PTPRN2: variants seen among roughly 807,000 people sequenced by gnomAD.
PTPRN2 encodes protein tyrosine phosphatase receptor type N2.
Under a neutral mutation model 118.8 loss-of-function variants are expected in PTPRN2, and 74 were observed. The observed-to-expected ratio is 0.62, with a 90% CI of 0.52 to 0.76. PTPRN2 has a LOEUF of 0.76. Ranked by LOEUF, PTPRN2 falls within the 30% of genes least tolerant of loss-of-function variation. The pLI is 0.00. For synonymous variants in PTPRN2, 641 were observed against 608.0 expected (o/e 1.05, Z -0.80); for missense variants, 1,481 against 1,394.4 (o/e 1.06, Z -0.99).
At position 157,987,700 on chromosome 7, in the gene PTPRN2, A is replaced by C. The variant is rs1027193800; in HGVS notation, c.1724-88963T>G. 1.3e-5 allele frequency among the ~76,000 whole-genome samples: 2 copies of C among 152,166 alleles called. No individual in the cohort carries two copies. Among genetic ancestry groups the C allele is most frequent in the African/African-American group, 4.8e-5 (2 of 41,422 alleles). On this transcript the variant is annotated intron_variant, in intron 11 of 22. Coordinates refer to ENST00000389418, the MANE Select transcript of PTPRN2 (RefSeq NM_002847.5). This position sits in a 1 kb window ranked among gnomAD's most constrained non-coding sequence, Gnocchi z 4.3. ...CTAAATGCTATCAGTCTTTCTCTAG[A>C]GATGGGGCAGTTATTATGCAGTGTG... is the stretch of plus-strand genomic sequence containing the variant.
At chr7:157,766,653 C>A (rs928352524) in intron 12 of PTPRN2, among the ~76,000 whole-genome samples, 22 of 152,190 alleles carry the variant, frequency 1.4e-4, no homozygotes, top group Non-Finnish European at 7.3e-5. Flanking sequence ...GGGTCCTATT[C>A]TTTTCCCCAG....
intron 4 of PTPRN2, among the ~76,000 whole-genome samples, chr7:158,194,118 C>T (rs1006421091): frequency 6.0e-5 from 9 of 149,868 alleles, no homozygotes; most frequent in South Asian, 2.1e-4. Context: ...TGCACGCGCG[C>T]GCATGTGCGT....
chr7:158,047,611 C>T lies in PTPRN2; in HGVS notation c.1723+33687G>A, dbSNP rs1296435482. On this transcript the variant is annotated intron_variant, in intron 11 of 22. Transcript: ENST00000389418. ...TGAGAGTGCAAGGGCTACCTGCAGT[C>T]ACTGAGCATGTGAGGGCTGCCTGCA... Among the ~76,000 whole-genome samples, 6 of 152,176 alleles carry T rather than the reference C, an allele frequency of 3.9e-5. No homozygotes were observed. In the East Asian group the frequency reaches 1.2e-3, roughly 29 times the overall value.
chr7:157,787,352 A>G lies in PTPRN2; in HGVS notation c.1789-104415T>C, dbSNP rs370427761. Among the ~76,000 whole-genome samples the G allele has an allele frequency of 7.2e-5, 11 of 152,276 alleles. No homozygotes were observed. In the East Asian group the frequency reaches 1.7e-3, roughly 24 times the overall value. On this transcript the variant is annotated intron_variant, in intron 12 of 22. Transcript: ENST00000389418. This position sits in a 1 kb window ranked among gnomAD's most constrained non-coding sequence, Gnocchi z 5.3. ...GCCCCACCTTGATGGAAACTGCGAC[A>G]GGAGGGGGTCTGGCCTCTGCTGGGA... is the stretch of plus-strand genomic sequence containing the variant.
In PTPRN2 at chr7:158,458,287, G is replaced by C. The variant is rs139104005; in HGVS notation, c.163+31448C>G. ...AGACCAGTGCACCAGGAAGTGGGCC[G>C]GGCGAGTGATCTGCAGTCCATCGGG... On this transcript the variant is annotated intron_variant, in intron 2 of 22. Transcript: ENST00000389418. Among the ~76,000 whole-genome samples the C allele has an allele frequency of 3.9e-5, 6 of 152,234 alleles. No homozygotes were observed. In the East Asian group the frequency reaches 1.2e-3, roughly 29 times the overall value.
At chr7:158,394,813 G>A (rs1357329560) in intron 2 of PTPRN2, among the ~76,000 whole-genome samples, 2 of 152,170 alleles carry the variant, frequency 1.3e-5, no homozygotes, top group Admixed American at 6.5e-5. Context: ...TTGGAGACCC[G>A]ACACCCTCAC....
At chr7:158,051,604 G>A (rs1425965580) in intron 11 of PTPRN2, among the ~76,000 whole-genome samples, 1 of 152,228 alleles carries the variant, frequency 6.6e-6, no homozygotes, top group Non-Finnish European at 1.5e-5. Flanking sequence ...TTACATCCAT[G>A]TCGTGCTCCC....
chr7:157,942,133 A>ACACGCACAGGGGTCCTCGGCCCACCCTC (rs1329573384), intron 11 of PTPRN2, among the ~76,000 whole-genome samples: 8 of 135,812 alleles, frequency 5.9e-5, no homozygotes, highest in Admixed American at 3.7e-4. Context: ...CATGCCTTCC[A>ACACGCACAGGGGTCCTCGGCCCACCCTC]CACGCACAGG....
intron 2 of PTPRN2, among the ~76,000 whole-genome samples, chr7:158,386,014 A>G (rs1415416988): frequency 1.7e-4 from 13 of 77,588 alleles, no homozygotes; most frequent in South Asian, 1.2e-3. Context: ...CCCGTGCCCC[A>G]AGTCCCTCCT....
At chr7:158,254,733 T>C (rs1796913720) in intron 3 of PTPRN2, among the ~76,000 whole-genome samples, 1 of 152,204 alleles carries the variant, frequency 6.6e-6, no homozygotes, top group Non-Finnish European at 1.5e-5. Context: ...AGTAAAAATG[T>C]ACAGCCCTCC....
chr7:158,007,587 A>G (rs1383976079), intron 11 of PTPRN2, among the ~76,000 whole-genome samples: 5 of 152,190 alleles, frequency 3.3e-5, no homozygotes, highest in African/African-American at 1.2e-4. Flanking sequence ...CCTGCTGTGG[A>G]GGAAGCGCCA....
chr7:157,566,613 C>G (rs984376135), intron 21 of PTPRN2, among the ~76,000 whole-genome samples: 2 of 152,252 alleles, frequency 1.3e-5, no homozygotes, highest in East Asian at 3.9e-4. Flanking sequence ...GGCCCCAGGC[C>G]AGCCCTCTTT....
In PTPRN2 at chr7:158,555,865, A is replaced by C. The variant is rs1826948722; in HGVS notation, c.112+31693T>G. Among the ~76,000 whole-genome samples the C allele has an allele frequency of 1.3e-5, 2 of 152,176 alleles. No individual in the cohort carries two copies. The highest frequency in any genetic ancestry group is 4.8e-5 in the African/African-American group (2 of 41,454). Reference sequence around the variant, plus strand: ...ATCTTCGAGGACCCAGCTCGCAGAGAACAAAATCTGTGAACAATAATCACA... The same window carrying C: ...ATCTTCGAGGACCCAGCTCGCAGAGCACAAAATCTGTGAACAATAATCACA... On this transcript the variant is annotated intron_variant, in intron 1 of 22. Coordinates refer to ENST00000389418, the MANE Select transcript of PTPRN2 (RefSeq NM_002847.5). The surrounding 1 kb of genome is among the most constrained non-coding windows in gnomAD (Gnocchi z 4.7).
At position 157,617,278 on chromosome 7, in the gene PTPRN2, G is replaced by C. The variant is rs1393574389; in HGVS notation, c.2344+4084C>G. On this transcript the variant is annotated intron_variant, in intron 15 of 22. Transcript: ENST00000389418. The surrounding 1 kb of genome is among the most constrained non-coding windows in gnomAD (Gnocchi z 7.5). ...GATGCCCCAGTGATGCCGTGGTTAG[G>C]ACGCCGTTCACGCAGCTGCAGCGCA... The C allele has an allele frequency of 6.6e-6, 1 of 151,010 alleles. No individual in the cohort carries two copies. Among genetic ancestry groups the C allele is most frequent in the Non-Finnish European group, 1.5e-5 (1 of 67,776 alleles). The allele number at this position is 151,010 out of a possible 1,614,324, so 9.4% of individuals were successfully genotyped here.
intron 11 of PTPRN2, among the ~76,000 whole-genome samples, chr7:157,966,498 CCAT>C (rs1240960959): frequency 1.3e-5 from 2 of 149,798 alleles, no homozygotes; most frequent in East Asian, 2.0e-4. Context: ...CCCATTATCA[CCAT>C]CATCACCATC....
At chr7:158,549,825 C>T (rs1826531048) in intron 1 of PTPRN2, among the ~76,000 whole-genome samples, 1 of 152,262 alleles carries the variant, frequency 6.6e-6, no homozygotes, top group Admixed American at 6.5e-5. Context: ...TCCAAGTTTT[C>T]CTCTTCCTCT....
intron 2 of PTPRN2, among the ~76,000 whole-genome samples, chr7:158,413,937 C>T (rs1233109173): frequency 1.3e-5 from 2 of 151,972 alleles, no homozygotes; most frequent in Non-Finnish European, 2.9e-5. Flanking sequence ...GTCAGGAGTT[C>T]GAGACAAGCC....
chr7:157,554,654 A>G (rs1798791388), intron 21 of PTPRN2, among the ~76,000 whole-genome samples: 1 of 152,240 alleles, frequency 6.6e-6, no homozygotes, highest in Admixed American at 6.5e-5. Flanking sequence ...AGGGAAACAG[A>G]AAGGCCCAGT....
At chr7:157,824,038 A>G (rs1402701075) in intron 12 of PTPRN2, among the ~76,000 whole-genome samples, 1 of 152,190 alleles carries the variant, frequency 6.6e-6, no homozygotes, top group Non-Finnish European at 1.5e-5. Context: ...TCAAGCCCTC[A>G]TAGAGAACTG....
Sources: allele counts gnomAD v4.1 joint callset (sites outside exome capture counted in the v4.1 genomes callset), GRCh38; gene constraint gnomAD v4.1.1; non-coding constraint Gnocchi (gnomAD v3.1); transcripts MANE v1.5; gene names NCBI Gene and HGNC (gene_info 2026-07-23, HGNC 2026-07-21).